ZNF697: variants seen among roughly 807,000 people sequenced by gnomAD.
ZNF697 encodes zinc finger protein 697.
Under a neutral mutation model 32.4 loss-of-function variants are expected in ZNF697, and 23 were observed. The ratio of observed to expected loss-of-function variants is 0.71; its 90% confidence interval spans 0.51 to 1.01. The LOEUF (loss-of-function observed/expected upper bound fraction) is 1.01. Ranked by LOEUF, ZNF697 falls within the 50% of genes least tolerant of loss-of-function variation. The pLI is 0.00. For synonymous variants in ZNF697, 418 were observed against 337.2 expected (o/e 1.24, Z -2.62); for missense variants, 930 against 794.0 (o/e 1.17, Z -2.06).
At position 119,628,807 on chromosome 1, in the gene ZNF697, C is replaced by T. The variant is rs78669183; in HGVS notation, c.-37-2670G>A. ...ATTTAGAAGTTAGGAAAGATGATCA[C>T]GATGTAATTATATGAAAAGCAGCTG... On this transcript the variant is annotated intron_variant, in intron 1 of 2. Transcript: ENST00000421812. Among the ~76,000 whole-genome samples, 29 of 152,246 alleles carry T rather than the reference C, an allele frequency of 1.9e-4. No homozygotes were observed. In the East Asian group the frequency reaches 1.9e-3, roughly 10 times the overall value.
intron 1 of ZNF697, 33 bp from the exon 2 acceptor site, chr1:119,626,170 C>A (rs1416433686): frequency 1.5e-5 from 24 of 1,599,096 alleles, no homozygotes; most frequent in Non-Finnish European, 2.0e-5. Context: ...AAGGTCACGT[C>A]AGTCCGGTCT....
intron 1 of ZNF697, among the ~76,000 whole-genome samples, chr1:119,638,215 A>G (rs1648977113): frequency 6.6e-6 from 1 of 152,178 alleles, no homozygotes; most frequent in Admixed American, 6.5e-5. Context: ...GGCTATTGGG[A>G]AAAGGAGGAA....
chr1:119,630,166 A>G (rs1434543744), intron 1 of ZNF697, among the ~76,000 whole-genome samples: 3 of 152,242 alleles, frequency 2.0e-5, no homozygotes, highest in Non-Finnish European at 4.4e-5. Context: ...GGCCAACACA[A>G]CCATTGTGCT....
Position 119,623,299 on chromosome 1 carries a change from C to G in ZNF697, c.1044G>C (p.Ala348=). 7.3e-7 allele frequency: 1 copy of G among 1,361,638 alleles called. No individual in the cohort carries two copies. Among genetic ancestry groups the G allele is most frequent in the Non-Finnish European group, 9.4e-7 (1 of 1,060,800 alleles). 84.3% of individuals were successfully genotyped at this position (1,361,638 alleles called of 1,614,324 possible). Residue 348 remains alanine, a synonymous_variant, in exon 3 of 3, where the codon GCG becomes GCC. Coordinates refer to ENST00000421812, the MANE Select transcript of ZNF697 (RefSeq NM_001080470.2). ...CCCCGCAGGCGAAGGGCCGCAGCGC[C>G]GCCGCCCCCGCGCCGCTGGCCGCCG... The part of the protein sequence containing the change: ...AHAAASGAGA[A]ALRPFACGEC...
At chr1:119,639,676 C>T (rs1013410379) in intron 1 of ZNF697, among the ~76,000 whole-genome samples, 3 of 141,798 alleles carry the variant, frequency 2.1e-5, no homozygotes, top group African/African-American at 7.9e-5. Flanking sequence ...CTCGGGAGTG[C>T]AAGATCAGCC....
chr1:119,626,139 T>C lies in ZNF697; in HGVS notation c.-37-2A>G, dbSNP rs1648579823. ...AGCAAGGGAGGTGACCAGGAATCCCTGCTCCAGAAAAACACAAAGAAAGGT... is the reference window on the plus strand; with the variant it reads ...AGCAAGGGAGGTGACCAGGAATCCCCGCTCCAGAAAAACACAAAGAAAGGT... On this transcript the variant is annotated splice_acceptor_variant, in intron 1 of 2. Coordinates refer to ENST00000421812, the MANE Select transcript of ZNF697 (RefSeq NM_001080470.2). LOFTEE classifies it low-confidence loss of function (5UTR_SPLICE). The C allele has an allele frequency of 1.2e-6, 2 of 1,611,068 alleles. No individual in the cohort carries two copies. The highest frequency in any genetic ancestry group is 1.3e-5 in the African/African-American group (1 of 74,720).
Position 119,620,250 on chromosome 1 carries a change from C to G in ZNF697, c.*2455G>C, listed in dbSNP as rs895253056. 6.6e-6 allele frequency: 1 copy of G among 152,618 alleles called. No individual in the cohort carries two copies. Among genetic ancestry groups the G allele is most frequent in the Non-Finnish European group, 1.5e-5 (1 of 68,040 alleles). The allele number at this position is 152,618 out of a possible 1,614,324, so 9.5% of individuals were successfully genotyped here. On this transcript the variant is annotated 3_prime_UTR_variant, in exon 3 of 3. Coordinates refer to ENST00000421812, the MANE Select transcript of ZNF697 (RefSeq NM_001080470.2). ...GGTAAATGAAGTCCAAAGATTCCCA[C>G]TGCCACTAAACTATTTTACATTAGC...
intron 1 of ZNF697, among the ~76,000 whole-genome samples, chr1:119,634,166 A>G (rs1276557971): frequency 1.3e-5 from 2 of 152,208 alleles, no homozygotes; most frequent in Non-Finnish European, 2.9e-5. Flanking sequence ...TTCTGTGATC[A>G]TATTTCCACT....
Position 119,623,602 on chromosome 1 carries a change from C to A in ZNF697, c.741G>T (p.Gly247=). The A allele has an allele frequency of 7.0e-7, 1 of 1,427,960 alleles. No individual in the cohort carries two copies. Among genetic ancestry groups the A allele is most frequent in the Non-Finnish European group, 9.1e-7 (1 of 1,103,922 alleles). 88.5% of individuals were successfully genotyped at this position (1,427,960 alleles called of 1,614,324 possible). A position where few individuals can be genotyped will look rare whatever the true frequency, so the allele number is the denominator to read the frequency against. The change falls in exon 3 of 3, where the codon GGG becomes GGT. Residue 247 remains glycine, a synonymous_variant. Coordinates refer to ENST00000421812, the MANE Select transcript of ZNF697 (RefSeq NM_001080470.2). The part of the protein sequence containing the change: ...MMGVGVAGGF[G]AGPPLARPPR... Reference sequence around the variant, plus strand: ...GGGGCCGGGCCAGCGGGGGCCCGGCCCCGAAGCCCCCCGCCACACCCACCC... The same window carrying A: ...GGGGCCGGGCCAGCGGGGGCCCGGCACCGAAGCCCCCCGCCACACCCACCC...
intron 1 of ZNF697, among the ~76,000 whole-genome samples, chr1:119,645,547 C>T (rs1022530686): frequency 1.3e-5 from 2 of 152,062 alleles, no homozygotes; most frequent in Non-Finnish European, 2.9e-5. Context: ...GGGGTTCAAC[C>T]GGACAGTCAC....
chr1:119,628,731 A>T (rs1648674347), intron 1 of ZNF697, among the ~76,000 whole-genome samples: 1 of 152,176 alleles, frequency 6.6e-6, no homozygotes, highest in Non-Finnish European at 1.5e-5. Context: ...AGTTCCATTC[A>T]CGCCAGCACA....
At position 119,624,204 on chromosome 1, in the gene ZNF697, A is replaced by AT. The variant is rs1468855490; in HGVS notation, c.227-89dup. 4.2e-6 allele frequency: 6 copies of AT among 1,427,522 alleles called. No individual in the cohort carries two copies. The East Asian group carries it at 1.3e-4, about 31-fold the overall frequency. 88.4% of individuals were successfully genotyped at this position (1,427,522 alleles called of 1,614,324 possible). ...AGGAAACCTCAGTAATAAAACTGTG[A>AT]TCCCCTCCCTCAGGCACTCTGGATC... On this transcript the variant is annotated intron_variant, in intron 2 of 2. Coordinates refer to ENST00000421812, the MANE Select transcript of ZNF697 (RefSeq NM_001080470.2).
intron 1 of ZNF697, among the ~76,000 whole-genome samples, chr1:119,643,953 A>G (rs1299120709): frequency 1.3e-5 from 2 of 152,232 alleles, no homozygotes; most frequent in Non-Finnish European, 2.9e-5. Context: ...TAAGCAAACT[A>G]TCAACATGCA....
In ZNF697 at chr1:119,626,285, C is replaced by T. The variant is rs968284366; in HGVS notation, c.-37-148G>A. 8.1e-6 allele frequency: 9 copies of T among 1,116,752 alleles called. No individual in the cohort carries two copies. In the African/African-American group the frequency reaches 1.4e-4, roughly 18 times the overall value. 69.2% of individuals were successfully genotyped at this position (1,116,752 alleles called of 1,614,324 possible). A position where few individuals can be genotyped will look rare whatever the true frequency, so the allele number is the denominator to read the frequency against. On this transcript the variant is annotated intron_variant, in intron 1 of 2. Coordinates refer to ENST00000421812, the MANE Select transcript of ZNF697 (RefSeq NM_001080470.2). The stretch of plus-strand genomic sequence containing the variant: ...ACTTCACTCCACATTTTAAAGTAAA[C>T]AAGTGAGTGCAAAGGAGGGTGGACT...
chr1:119,632,541 C>T (rs1570943620), intron 1 of ZNF697, among the ~76,000 whole-genome samples: 1 of 152,238 alleles, frequency 6.6e-6, no homozygotes, highest in East Asian at 1.9e-4. Flanking sequence ...CAACCTACAT[C>T]CCCATGGGTC....
intron 1 of ZNF697, among the ~76,000 whole-genome samples, chr1:119,641,186 C>A (rs184393994): frequency 1.3e-5 from 2 of 152,216 alleles, no homozygotes; most frequent in African/African-American, 4.8e-5. Flanking sequence ...AACTGCCCCC[C>A]AGACTAGTGT....
At chr1:119,647,403 T>C (rs1355644196) in intron 1 of ZNF697, among the ~76,000 whole-genome samples, 2 of 152,276 alleles carry the variant, frequency 1.3e-5, no homozygotes, top group East Asian at 1.9e-4. Context: ...CCACCCCTCT[T>C]GGGCTGCGAG....
chr1:119,645,148 G>A (rs1438803550), intron 1 of ZNF697, among the ~76,000 whole-genome samples: 1 of 152,144 alleles, frequency 6.6e-6, no homozygotes, highest in Non-Finnish European at 1.5e-5. Flanking sequence ...ACTGTGATAG[G>A]TACTTTTAGG....
chr1:119,626,407 T>C (rs888847924), intron 1 of ZNF697, among the ~76,000 whole-genome samples: 4 of 152,172 alleles, frequency 2.6e-5, no homozygotes, highest in African/African-American at 9.7e-5. Flanking sequence ...GGATGTCTAT[T>C]AGTGTGGTTT....
Sources: allele counts gnomAD v4.1 joint callset (sites outside exome capture counted in the v4.1 genomes callset), GRCh38; gene constraint gnomAD v4.1.1; transcripts MANE v1.5; gene names NCBI Gene and HGNC (gene_info 2026-07-23, HGNC 2026-07-21).